Variants in RUFY1 observed in about 807,000 individuals in gnomAD.
The protein encoded by RUFY1 is RUN and FYVE domain containing 1, also known as RUN and FYVE domain-containing protein 1.
RUFY1 carries 54 observed loss-of-function variants against 94.6 expected under a neutral mutation model. The ratio of observed to expected loss-of-function variants is 0.57; its 90% CI spans 0.46 to 0.72. The LOEUF is 0.72. Among genes scored for constraint, RUFY1 ranks in the 30% least tolerant of loss-of-function variants. The pLI is 0.00. For missense variants in RUFY1, 883 were observed against 883.9 expected (o/e 1.00, Z 0.01); for synonymous variants, 396 against 347.3 (o/e 1.14, Z -1.56).
At chr5:179,555,029 T>C (rs1453176308) in intron 1 of RUFY1, among the ~76,000 whole-genome samples, 1 of 152,120 alleles carries the variant, frequency 6.6e-6, no homozygotes. Context: ...TACTATTGTA[T>C]CTTTGAGAGT....
chr5:179,596,641 G>A lies in RUFY1; in HGVS notation c.1591G>A (p.Gly531Ser), dbSNP rs113842455. ...KLQQELGGRI[G>S]ALQLQLSQLH... ...GCAGCAGGAGCTGGGCGGGAGGATC[G>A]GCGCCCTGCAGCTGCAGCTCTCCCA... Residue 531 changes from glycine (G) to serine (S), a missense_variant, in exon 13 of 18, where the codon GGC becomes AGC. By Grantham distance (56) the Gly-to-Ser change is moderately conservative. Transcript: ENST00000319449. 63 of 1,610,318 alleles carry A rather than the reference G, an allele frequency of 3.9e-5. No homozygotes were observed. In the African/African-American group the frequency reaches 5.2e-4, roughly 13 times the overall value.
Position 179,609,384 on chromosome 5 carries a change from C to T in RUFY1, c.1992C>T (p.Cys664=). 3 of 1,613,444 alleles carry T rather than the reference C, an allele frequency of 1.9e-6. No individual in the cohort carries two copies. The highest frequency in any genetic ancestry group is 1.7e-6 in the Non-Finnish European group (2 of 1,179,912). The change falls in exon 18 of 18, where the codon TGC becomes TGT. Residue 664 remains cysteine (C), a synonymous_variant. Coordinates refer to ENST00000319449, the MANE Select transcript of RUFY1 (RefSeq NM_025158.5). Reference sequence around the variant, plus strand: ...TTCTTCCCGTCCTGTAGCACCACTGCCGGAACTGTGGCCACATCTTCTGCA... The same window carrying T: ...TTCTTCCCGTCCTGTAGCACCACTGTCGGAACTGTGGCCACATCTTCTGCA... ...EFSISRRKHH[C]RNCGHIFCNT...
At chr5:179,568,490 T>A (rs1218355180) in intron 4 of RUFY1, among the ~76,000 whole-genome samples, 1 of 152,212 alleles carries the variant, frequency 6.6e-6, no homozygotes, top group Non-Finnish European at 1.5e-5. Context: ...GTCGAACATA[T>A]CTTTACACGA....
At chr5:179,570,169 T>C (rs201490675) in intron 5 of RUFY1, among the ~76,000 whole-genome samples, 1 of 152,232 alleles carries the variant, frequency 6.6e-6, no homozygotes, top group African/African-American at 2.4e-5. Context: ...TGAGCCACTG[T>C]GCCTTGCCTG....
At chr5:179,609,261 A>C (rs980351222) in intron 17 of RUFY1, 115 bp from the exon 18 acceptor site, 3 of 1,033,640 alleles carry the variant, frequency 2.9e-6, no homozygotes, top group Non-Finnish European at 4.2e-6. Flanking sequence ...ACCACCCCAC[A>C]GAAACATAAG....
At chr5:179,573,416 A>C (rs929007831) in intron 5 of RUFY1, among the ~76,000 whole-genome samples, 1 of 152,242 alleles carries the variant, frequency 6.6e-6, no homozygotes, top group East Asian at 1.9e-4. Context: ...ATAATAGTAT[A>C]CATAAAGTAT....
At chr5:179,603,189 C>T (rs192240974) in intron 15 of RUFY1, among the ~76,000 whole-genome samples, 87 of 151,944 alleles carry the variant, frequency 5.7e-4, no homozygotes, top group Middle Eastern at 3.4e-3. Context: ...CGCTTGAACC[C>T]GGGAGGCAGA....
intron 15 of RUFY1, among the ~76,000 whole-genome samples, chr5:179,605,611 T>C (rs1766994877): frequency 6.6e-6 from 1 of 152,018 alleles, no homozygotes; most frequent in African/African-American, 2.4e-5. Flanking sequence ...TCCCTCAAAG[T>C]CTTTTTGAGC....
At chr5:179,555,703 C>T (rs1490417949) in intron 1 of RUFY1, 3 of 394,968 alleles carry the variant, frequency 7.6e-6, no homozygotes, top group African/African-American at 2.3e-5. Context: ...TCTCGGGTCA[C>T]GGCAACCTCC....
At chr5:179,607,518 G>C in intron 16 of RUFY1, 64 bp from the exon 17 acceptor site, 1 of 1,368,068 alleles carries the variant, frequency 7.3e-7, no homozygotes, top group Non-Finnish European at 1.0e-6. Context: ...TGGCCAGAAC[G>C]CAGCTACCCA....
At chr5:179,596,503 A>T in intron 12 of RUFY1, 59 bp from the exon 13 acceptor site, 4 of 1,606,974 alleles carry the variant, frequency 2.5e-6, no homozygotes, top group Non-Finnish European at 3.4e-6. Context: ...AGCCAGCAAA[A>T]GTCATCCTTT....
chr5:179,556,507 G>GT lies in RUFY1; in HGVS notation c.311-3506dup, dbSNP rs549470819. ...TATACATAAATTTTTCTTGAATTGCGTTTTTTTTTTTTGAGAAGGGTCTCA... is the reference window on the plus strand; with the variant it reads ...TATACATAAATTTTTCTTGAATTGCGTTTTTTTTTTTTTGAGAAGGGTCTCA... On this transcript the variant is annotated intron_variant, in intron 1 of 17. Transcript: ENST00000319449. 3.8e-3 allele frequency among the ~76,000 whole-genome samples: 547 copies of GT among 142,436 alleles called. 3 individuals carry two copies. Among genetic ancestry groups the GT allele is most frequent in the South Asian group, 0.035 (155 of 4,472 alleles). The allele number at this position is 142,436 out of a possible 152,430, so 93.4% of individuals were successfully genotyped here. A position where few individuals can be genotyped will look rare whatever the true frequency, so the allele number is the denominator to read the frequency against.
At position 179,550,575 on chromosome 5, in the gene RUFY1, C is replaced by G. The variant is rs779534824; in HGVS notation, c.6C>G (p.Ala2=). The change falls in exon 1 of 18, where the codon GCC becomes GCG. Residue 2 remains alanine (A), a synonymous_variant. Coordinates refer to ENST00000319449, the MANE Select transcript of RUFY1 (RefSeq NM_025158.5). ...GGTCACATGACACGGCCAAGATGGC[C>G]GACCGGGAAGGCGGCTGCGCTGCTG... is the stretch of plus-strand genomic sequence containing the variant. M[A]DREGGCAAGR... The G allele has an allele frequency of 3.3e-5, 36 of 1,094,982 alleles. No individual in the cohort carries two copies. The highest frequency in any genetic ancestry group is 4.1e-5 in the Non-Finnish European group (36 of 872,278). 67.8% of individuals were successfully genotyped at this position (1,094,982 alleles called of 1,614,324 possible).
chr5:179,577,015 T>C (rs1763664018), intron 5 of RUFY1, 60 bp from the exon 6 acceptor site: 1 of 1,134,132 alleles, frequency 8.8e-7, no homozygotes, highest in Admixed American at 1.8e-5. Context: ...ATTTCAAAGG[T>C]TGTAAAGTTT....
intron 2 of RUFY1, among the ~76,000 whole-genome samples, chr5:179,561,135 CA>C (rs1199292678): frequency 6.6e-6 from 1 of 152,116 alleles, no homozygotes; most frequent in African/African-American, 2.4e-5. Flanking sequence ...CTCTTGAACC[CA>C]GGAGGCGGAG....
chr5:179,601,880 T>G lies in RUFY1; in HGVS notation c.1762-12T>G, dbSNP rs200571428. 18 of 1,595,864 alleles carry G rather than the reference T, an allele frequency of 1.1e-5. No individual in the cohort carries two copies. Among genetic ancestry groups the G allele is most frequent in the East Asian group, 9.0e-5 (4 of 44,640 alleles). ...TCCTCTGTCCAGCATCTGGTTGGTT[T>G]GTTCATTTTAGGAGTTGCGGGAGCT... On this transcript the variant is annotated splice_polypyrimidine_tract_variant and intron_variant, in intron 14 of 17. Transcript: ENST00000319449.
intron 15 of RUFY1, chr5:179,603,526 T>C (rs1286197958): frequency 6.6e-6 from 1 of 152,160 alleles, no homozygotes; most frequent in Non-Finnish European, 1.5e-5. Flanking sequence ...CCCAGGGAGC[T>C]CCTTGAGGGA....
intron 15 of RUFY1, among the ~76,000 whole-genome samples, chr5:179,605,267 A>G (rs1766942165): frequency 2.1e-5 from 3 of 141,242 alleles, no homozygotes. Flanking sequence ...CAATATAGCA[A>G]GATCCTGTCT....
At chr5:179,608,045 C>T (rs1000457642) in intron 17 of RUFY1, among the ~76,000 whole-genome samples, 2 of 152,188 alleles carry the variant, frequency 1.3e-5, no homozygotes, top group Admixed American at 1.3e-4. Context: ...TACAGGGCAG[C>T]AGGTCACCAA....
Sources: gnomAD v4.1 joint callset for allele counts (sites outside exome capture counted in the v4.1 genomes callset) on GRCh38, gnomAD v4.1.1 for gene constraint, MANE v1.5 for transcripts, NCBI Gene and HGNC (gene_info 2026-07-23, HGNC 2026-07-21) for gene names.